GLDC: variants seen among roughly 807,000 people sequenced by gnomAD.
The protein encoded by GLDC is glycine dehydrogenase (decarboxylating), mitochondrial.
GLDC carries 104 observed loss-of-function variants against 121.3 expected under a neutral mutation model. The observed-to-expected ratio is 0.86, with a 90% confidence interval of 0.73 to 1.01. The LOEUF (loss-of-function observed/expected upper bound fraction) is 1.01, where lower values mean the gene tolerates loss of function less well. GLDC is among the 50% of genes least tolerant of loss of function. The pLI, the probability that GLDC is intolerant of heterozygous loss-of-function variation, is 0.00. For synonymous variants in GLDC, 546 were observed against 480.6 expected (o/e 1.14, Z -1.78); for missense variants, 1,429 against 1,306.6 (o/e 1.09, Z -1.44).
intron 9 of GLDC, among the ~76,000 whole-genome samples, chr9:6,594,301 A>G (rs1023342816): frequency 2.0e-5 from 3 of 152,058 alleles, no homozygotes; most frequent in African/African-American, 4.8e-5. Context: ...TTTTTCTATT[A>G]GGGTGTTCAT....
intron 20 of GLDC, among the ~76,000 whole-genome samples, chr9:6,551,409 G>A (rs1275855038): frequency 4.6e-5 from 7 of 152,196 alleles, no homozygotes; most frequent in Non-Finnish European, 7.3e-5. Flanking sequence ...TGGTAGTTAA[G>A]AGTCCCTGTG....
At chr9:6,599,933 T>C (rs781385328) in intron 8 of GLDC, among the ~76,000 whole-genome samples, 44 of 152,198 alleles carry the variant, frequency 2.9e-4, no homozygotes, top group African/African-American at 4.1e-4. Context: ...GAACCAACTA[T>C]AAGAAGATCT....
At chr9:6,554,040 A>T (rs1587922744) in intron 19 of GLDC, among the ~76,000 whole-genome samples, 1 of 152,196 alleles carries the variant, frequency 6.6e-6, no homozygotes, top group Non-Finnish European at 1.5e-5. Context: ...AGCTTCCAGC[A>T]ACTCTGAAAA....
intron 8 of GLDC, among the ~76,000 whole-genome samples, chr9:6,596,965 C>T (rs1238750295): frequency 6.6e-6 from 1 of 152,192 alleles, no homozygotes; most frequent in Non-Finnish European, 1.5e-5. Flanking sequence ...TTATTTGAAA[C>T]ACCCCAAATG....
chr9:6,572,477 T>C (rs1166527710), intron 15 of GLDC, among the ~76,000 whole-genome samples: 2 of 152,170 alleles, frequency 1.3e-5, no homozygotes, highest in African/African-American at 4.8e-5. Flanking sequence ...TTCCCTCTTT[T>C]GTGTGAGTCT....
intron 8 of GLDC, among the ~76,000 whole-genome samples, chr9:6,595,513 G>A (rs766605795): frequency 6.6e-6 from 1 of 152,084 alleles, no homozygotes; most frequent in African/African-American, 2.4e-5. Context: ...CACTCAACCA[G>A]GCAATTCTTC....
In GLDC at chr9:6,545,542, T is replaced by C. The variant is rs183954882; in HGVS notation, c.2569+5261A>G. On this transcript the variant is annotated intron_variant, in intron 21 of 24. Coordinates refer to ENST00000321612, the MANE Select transcript of GLDC (RefSeq NM_000170.3). ...TGAACGGGAAGGTCTAGGACATTCC[T>C]GTATACTACCATAGACTTTGTGAAC... Among the ~76,000 whole-genome samples, 85 of 152,356 alleles carry C rather than the reference T, an allele frequency of 5.6e-4. 1 individual carries two copies. The highest frequency in any genetic ancestry group is 1.9e-3 in the African/African-American group (81 of 41,584).
intron 18 of GLDC, 141 bp from the exon 19 acceptor site, chr9:6,554,922 T>C (rs951947692): frequency 1.4e-6 from 1 of 718,986 alleles, no homozygotes; most frequent in South Asian, 1.5e-5. Flanking sequence ...CACAGAAATG[T>C]CCTCTATACT....
chr9:6,612,792 G>T (rs148998638), intron 3 of GLDC, among the ~76,000 whole-genome samples: 1 of 152,258 alleles, frequency 6.6e-6, no homozygotes, highest in African/African-American at 2.4e-5. Flanking sequence ...AAACCAGAAG[G>T]CGGAGGTTGC....
intron 8 of GLDC, among the ~76,000 whole-genome samples, chr9:6,599,720 C>CG (rs1554647603): frequency 5.0e-5 from 6 of 120,774 alleles, no homozygotes; most frequent in Admixed American, 4.2e-4. Context: ...GACTCCATCT[C>CG]AAAAAAAAAA....
chr9:6,598,240 G>A (rs1040601853), intron 8 of GLDC, among the ~76,000 whole-genome samples: 5 of 152,016 alleles, frequency 3.3e-5, no homozygotes, highest in African/African-American at 1.2e-4. Context: ...TATGTTGCCT[G>A]GGATGGATTT....
In GLDC at chr9:6,558,604, C is replaced by G. The variant is rs773654767; in HGVS notation, c.2007G>C (p.Glu669Asp). Residue 669 changes from glutamate to aspartate, a missense_variant, in exon 17 of 25, where the codon GAG becomes GAC. Glu to Asp is a conservative substitution (Grantham distance 45, BLOSUM62 2). Transcript: ENST00000321612. Reference protein sequence around the residue: ...HMAGMKIQPVEVDKYGNIDAV... With the variant: ...HMAGMKIQPVDVDKYGNIDAV... ...CATCGATATTCCCATATTTATCCAC[C>G]TCCACAGGCTGAATCTTCATGCCTG... The G allele has an allele frequency of 6.2e-7, 1 of 1,614,092 alleles. No individual in the cohort carries two copies. Among genetic ancestry groups the G allele is most frequent in the Non-Finnish European group, 8.5e-7 (1 of 1,180,034 alleles).
rs201230226 is a variant in GLDC at position 6,606,575 on chromosome 9, C to T, written c.713+17G>A. ...ATGACATTATACTGAGTTTAAAACA[C>T]GAATCAAATTAATTACTTGGCTCGA... On this transcript the variant is annotated intron_variant, in intron 5 of 24. Coordinates refer to ENST00000321612, the MANE Select transcript of GLDC (RefSeq NM_000170.3). The T allele has an allele frequency of 7.4e-5, 109 of 1,463,308 alleles. No homozygotes were observed. Among genetic ancestry groups the T allele is most frequent in the Middle Eastern group, 1.7e-4 (1 of 5,806 alleles). The allele number at this position is 1,463,308 out of a possible 1,614,324, so 90.6% of individuals were successfully genotyped here.
chr9:6,601,310 A>C (rs1304456306), intron 8 of GLDC, among the ~76,000 whole-genome samples: 1 of 152,158 alleles, frequency 6.6e-6, no homozygotes. Context: ...GCTCCTTCTC[A>C]GTCCTAAGAG....
At chr9:6,540,432 A>G in intron 21 of GLDC, 1 of 423,540 alleles carries the variant, frequency 2.4e-6, no homozygotes, top group South Asian at 2.3e-5. Context: ...ATTACTGAAC[A>G]TATGACCGGA....
At chr9:6,592,802 C>G in intron 10 of GLDC, 49 bp downstream of exon 10, 1 of 1,557,368 alleles carries the variant, frequency 6.4e-7, no homozygotes. Flanking sequence ...TAATGAGAAA[C>G]AATGTGAAAA....
At chr9:6,575,577 A>T (rs10975654) in intron 15 of GLDC, among the ~76,000 whole-genome samples, 80,403 of 152,016 alleles carry the variant, frequency 0.53, 21,719 homozygotes, top group Middle Eastern at 0.58. Flanking sequence ...TGTTCACACC[A>T]CAATTTAAGA....
chr9:6,639,669 G>GTATGTATATA, intron 2 of GLDC: 1 of 221,862 alleles, frequency 4.5e-6, no homozygotes, highest in Non-Finnish European at 7.6e-6. Context: ...TAAAAAAAAA[G>GTATGTATATA]TATATATATA....
At chr9:6,562,849 C>G (rs1259274199) in intron 16 of GLDC, among the ~76,000 whole-genome samples, 7 of 152,232 alleles carry the variant, frequency 4.6e-5, no homozygotes, top group African/African-American at 1.7e-4. Context: ...GCATGAGCCA[C>G]CATGCCCGAG....
Sources: gnomAD v4.1 joint callset for allele counts (sites outside exome capture counted in the v4.1 genomes callset) on GRCh38, gnomAD v4.1.1 for gene constraint, MANE v1.5 for transcripts, NCBI Gene and HGNC (gene_info 2026-07-23, HGNC 2026-07-21) for gene names.